CHST12: variants seen among roughly 807,000 people sequenced by gnomAD.
CHST12 encodes carbohydrate (chondroitin 4) sulfotransferase 12.
In CHST12, 23 loss-of-function variants were observed where a neutral mutation model predicts 27.9. The ratio of observed to expected loss-of-function variants is 0.82; its 90% CI spans 0.59 to 1.17. The LOEUF is 1.17. Ranked by LOEUF, CHST12 falls within the 50% of genes most tolerant of loss-of-function variation. CHST12 has a pLI of 0.00. For synonymous variants in CHST12, 322 were observed against 273.0 expected (o/e 1.18, Z -1.77); for missense variants, 682 against 603.0 (o/e 1.13, Z -1.37).
At chr7:2,415,059 C>T (rs1251900039) in intron 1 of CHST12, among the ~76,000 whole-genome samples, 2 of 152,128 alleles carry the variant, frequency 1.3e-5, no homozygotes, top group Non-Finnish European at 2.9e-5. Context: ...TTTTGCGTTT[C>T]CCAGTGCATA....
intron 1 of CHST12, among the ~76,000 whole-genome samples, chr7:2,423,437 C>T (rs1782028083): frequency 1.3e-5 from 2 of 152,004 alleles, no homozygotes; most frequent in African/African-American, 4.8e-5. Flanking sequence ...GGAGAGACAG[C>T]AGCGGGGGCC....
intron 1 of CHST12, among the ~76,000 whole-genome samples, chr7:2,412,772 T>TAA (rs1562510078): frequency 6.6e-6 from 1 of 152,240 alleles, no homozygotes; most frequent in Non-Finnish European, 1.5e-5. Flanking sequence ...TAGCTACTTT[T>TAA]CCCAGTTTCA....
intron 1 of CHST12, among the ~76,000 whole-genome samples, chr7:2,416,886 CCG>C (rs1781823802): frequency 6.6e-6 from 1 of 152,104 alleles, no homozygotes; most frequent in African/African-American, 2.4e-5. Context: ...TACGCCTTCT[CCG>C]CACAGTAAAT....
rs943600713 is a variant in CHST12, at chr7:2,435,619, A to G, written c.*1735A>G. ...GTCTTCCTCGTGTGTGGTATTTGTC[A>G]CCACTGCCCAGTCCCTGGTTGCTGG... On this transcript the variant is annotated 3_prime_UTR_variant, in exon 2 of 2. Transcript: ENST00000618655. The G allele has an allele frequency of 6.6e-6, 1 of 152,094 alleles. No homozygotes were observed. The highest frequency in any genetic ancestry group is 2.4e-5 in the African/African-American group (1 of 41,384). The allele number at this position is 152,094 out of a possible 1,614,324, so 9.4% of individuals were successfully genotyped here. A position where few individuals can be genotyped will look rare whatever the true frequency, so the allele number is the denominator to read the frequency against.
chr7:2,409,383 G>A (rs554392272), intron 1 of CHST12, among the ~76,000 whole-genome samples: 1 of 152,296 alleles, frequency 6.6e-6, no homozygotes, highest in South Asian at 2.1e-4. Flanking sequence ...AGGAGGCCGA[G>A]GCAGGAGGAT....
chr7:2,406,729 G>T (rs1035525647), intron 1 of CHST12, among the ~76,000 whole-genome samples: 5 of 152,140 alleles, frequency 3.3e-5, no homozygotes, highest in Non-Finnish European at 7.3e-5. Flanking sequence ...TGGATCCCTT[G>T]CTAACGAAGC....
chr7:2,414,536 CGGCCTCCCAAAGTGCTG>C (rs1452319518), intron 1 of CHST12, among the ~76,000 whole-genome samples: 1 of 152,130 alleles, frequency 6.6e-6, no homozygotes, highest in East Asian at 1.9e-4. Context: ...CCACCCTTCT[CGGCCTCCCAAAGTGCTG>C]GGATTACAGG....
intron 1 of CHST12, among the ~76,000 whole-genome samples, chr7:2,423,350 T>G (rs148310401): frequency 1.1e-4 from 16 of 152,222 alleles, no homozygotes; most frequent in African/African-American, 3.9e-4. Flanking sequence ...TGAAAGCTGG[T>G]ACAGGACTGC....
At chr7:2,420,219 C>T (rs1230943790) in intron 1 of CHST12, among the ~76,000 whole-genome samples, 10 of 151,978 alleles carry the variant, frequency 6.6e-5, no homozygotes, top group East Asian at 5.8e-4. Context: ...GTGATCTGCC[C>T]GCCTCGGCTT....
At chr7:2,429,083 C>T (rs1782206177) in intron 1 of CHST12, among the ~76,000 whole-genome samples, 1 of 152,228 alleles carries the variant, frequency 6.6e-6, no homozygotes, top group Admixed American at 6.5e-5. Context: ...AGCTCCCTGA[C>T]TGCATGTCCG....
intron 1 of CHST12, among the ~76,000 whole-genome samples, chr7:2,414,302 A>G (rs1370619417): frequency 6.7e-6 from 1 of 148,748 alleles, no homozygotes; most frequent in Non-Finnish European, 1.5e-5. Context: ...TTTTTCTCTG[A>G]GACAGAGTTT....
Position 2,434,767 on chromosome 7 carries a change from AAAAT to A in CHST12, c.*897_*900del, listed in dbSNP as rs555026507. The A allele has an allele frequency of 1.9e-3, 288 of 151,664 alleles. 2 individuals are homozygous for A. The highest frequency in any genetic ancestry group is 3.4e-3 in the Middle Eastern group (1 of 292). 9.4% of individuals were successfully genotyped at this position (151,664 alleles called of 1,614,324 possible). A position where few individuals can be genotyped will look rare whatever the true frequency, so the allele number is the denominator to read the frequency against. On this transcript the variant is annotated 3_prime_UTR_variant, in exon 2 of 2. Coordinates refer to ENST00000618655, the MANE Select transcript of CHST12 (RefSeq NM_018641.5). ...GGGTGACAGAGTGAGATTCCATCTC[AAAAT>A]AAATAAATAAATATTAATACATTAT...
chr7:2,433,229 G>A lies in CHST12; in HGVS notation c.590G>A (p.Arg197His). 2 of 1,612,010 alleles carry A rather than the reference G, an allele frequency of 1.2e-6. No homozygotes were observed. Among genetic ancestry groups the A allele is most frequent in the Non-Finnish European group, 1.7e-6 (2 of 1,179,122 alleles). The change falls in exon 2 of 2, where the codon CGC becomes CAC. Residue 197 changes from arginine (R) to histidine (H), a missense_variant. Physicochemically the swap from Arg to His is conservative, Grantham distance 29 (BLOSUM62 0). Transcript: ENST00000618655. The surrounding 1 kb of genome is among the most constrained non-coding windows in gnomAD (Gnocchi z 6.1). Reference protein sequence around the residue: ...GSLLHRGAPYRDPLRIPREHV... With the variant: ...GSLLHRGAPYHDPLRIPREHV... ...CTGCTGCACCGCGGTGCGCCCTACC[G>A]CGACCCGCTGCGCATCCCGCGCGAG...
intron 1 of CHST12, among the ~76,000 whole-genome samples, chr7:2,408,693 G>C (rs953222991): frequency 1.4e-4 from 21 of 152,170 alleles, no homozygotes; most frequent in Admixed American, 7.9e-4. Context: ...CTTCAGACTT[G>C]CTCCCAGATT....
chr7:2,430,595 G>A (rs1470865166), intron 1 of CHST12, among the ~76,000 whole-genome samples: 1 of 152,206 alleles, frequency 6.6e-6, no homozygotes, highest in East Asian at 1.9e-4. Flanking sequence ...TGGGATTACA[G>A]GCATAAGCCA....
At chr7:2,425,226 A>AC (rs1782080107) in intron 1 of CHST12, among the ~76,000 whole-genome samples, 2 of 44,874 alleles carry the variant, frequency 4.5e-5, no homozygotes, top group South Asian at 1.3e-3. Flanking sequence ...AAAACAACAA[A>AC]CAAAAAAAAA....
intron 1 of CHST12, among the ~76,000 whole-genome samples, chr7:2,410,297 G>C (rs1270276944): frequency 6.6e-6 from 1 of 152,182 alleles, no homozygotes; most frequent in Non-Finnish European, 1.5e-5. Context: ...GAGGCAGGAC[G>C]AGGACCTCCC....
Position 2,435,962 on chromosome 7 carries a change from G to A in CHST12, c.*2078G>A, listed in dbSNP as rs900092424. ...CCCAAGTAGCTGGGGTTACAGGTGAGCGCCAGCCTGCCCAGCTAGTTTTTT... is the reference window on the plus strand; with the variant it reads ...CCCAAGTAGCTGGGGTTACAGGTGAACGCCAGCCTGCCCAGCTAGTTTTTT... On this transcript the variant is annotated 3_prime_UTR_variant, in exon 2 of 2. Transcript: ENST00000618655. The A allele has an allele frequency of 6.6e-6, 1 of 152,090 alleles. No individual in the cohort carries two copies. The highest frequency in any genetic ancestry group is 2.4e-5 in the African/African-American group (1 of 41,336). 9.4% of individuals were successfully genotyped at this position (152,090 alleles called of 1,614,324 possible).
intron 1 of CHST12, among the ~76,000 whole-genome samples, chr7:2,412,157 G>C (rs943326032): frequency 6.6e-6 from 1 of 152,322 alleles, no homozygotes; most frequent in African/African-American, 2.4e-5. Flanking sequence ...TCATCAATGT[G>C]ACCGTTAATT....
Sources: gnomAD v4.1 joint callset for allele counts (sites outside exome capture counted in the v4.1 genomes callset) on GRCh38, gnomAD v4.1.1 for gene constraint, Gnocchi (gnomAD v3.1) non-coding constraint, MANE v1.5 for transcripts, NCBI Gene and HGNC (gene_info 2026-07-23, HGNC 2026-07-21) for gene names.